The following GREB1L variants were observed in gnomAD, a reference collection of about 807,000 sequenced individuals.
GREB1L encodes GREB1-like protein.
In GREB1L, 17 loss-of-function variants were observed where a neutral mutation model predicts 200.8. That is an observed-to-expected ratio of 0.08 (90% confidence interval 0.06 to 0.13). The LOEUF (loss-of-function observed/expected upper bound fraction) is 0.13, where lower values mean the gene tolerates loss of function less well. Ranked by LOEUF, GREB1L falls within the 10% of genes least tolerant of loss-of-function variation. The probability of loss-of-function intolerance (pLI) is 1.00; values close to 1 mark genes in which losing one functional copy is unlikely to be tolerated. For missense variants in GREB1L, 1,657 were observed against 2,367.7 expected (o/e 0.70, Z 6.23); for synonymous variants, 789 against 893.0 (o/e 0.88, Z 2.08).
At chr18:21,309,012 TAG>T (rs1296102817) in intron 1 of GREB1L, among the ~76,000 whole-genome samples, 2 of 152,228 alleles carry the variant, frequency 1.3e-5, no homozygotes, top group Non-Finnish European at 2.9e-5. Context: ...GGGAATCTTG[TAG>T]AGTATCAAGG....
At chr18:21,252,966 T>C (rs1046656635) in intron 1 of GREB1L, among the ~76,000 whole-genome samples, 14 of 152,226 alleles carry the variant, frequency 9.2e-5, no homozygotes, top group African/African-American at 3.4e-4. Context: ...TTTATTTCAG[T>C]CTTAGCTCAT....
In GREB1L at chr18:21,403,143, C is replaced by T. The variant is rs145883830; in HGVS notation, c.710-729C>T. ...ATCATTTATATTCCTTTTTCACATG[C>T]TACTTTTTGAGACGAATAGGGTAAA... On this transcript the variant is annotated intron_variant, in intron 6 of 32. Transcript: ENST00000424526. Among the ~76,000 whole-genome samples the T allele has an allele frequency of 4.3e-3, 659 of 152,126 alleles. 2 individuals carry two copies. Among genetic ancestry groups the T allele is most frequent in the Non-Finnish European group, 6.8e-3 (459 of 67,988 alleles).
rs944870850 is a variant in GREB1L at position 21,520,708 on chromosome 18, C to T, written c.5493C>T (p.Ser1831=). 13 of 1,551,538 alleles carry T rather than the reference C, an allele frequency of 8.4e-6. No homozygotes were observed. The Admixed American group carries it at 2.2e-4, about 26-fold the overall frequency. ...IGPEVAICYI[S]SRPHSSNVNC... ...TTCAGGTGGCCATATGCTATATCAGCTCCAGACCCCACTCCAGCAATGTCA... is the reference window on the plus strand; with the variant it reads ...TTCAGGTGGCCATATGCTATATCAGTTCCAGACCCCACTCCAGCAATGTCA... Residue 1831 remains serine (S), a synonymous_variant, in exon 32 of 33, where the codon AGC becomes AGT. Coordinates refer to ENST00000424526, the MANE Select transcript of GREB1L (RefSeq NM_001142966.3).
intron 1 of GREB1L, among the ~76,000 whole-genome samples, chr18:21,263,761 G>A (rs539661392): frequency 1.3e-5 from 2 of 152,264 alleles, no homozygotes; most frequent in South Asian, 4.1e-4. Flanking sequence ...TAGAGAAGTA[G>A]GGATCTCTGT....
At chr18:21,458,495 G>A (rs2034882712) in intron 15 of GREB1L, among the ~76,000 whole-genome samples, 4 of 152,186 alleles carry the variant, frequency 2.6e-5, no homozygotes, top group Admixed American at 2.0e-4. Context: ...CCCAGGCAGG[G>A]AAGAGCTGCC....
intron 5 of GREB1L, among the ~76,000 whole-genome samples, chr18:21,399,697 A>T (rs2041238640): frequency 6.6e-6 from 1 of 152,222 alleles, no homozygotes. Context: ...AAGTGGCGGT[A>T]ATAAGTTGTT....
At chr18:21,448,614 G>A (rs1191479949) in intron 11 of GREB1L, among the ~76,000 whole-genome samples, 2 of 152,192 alleles carry the variant, frequency 1.3e-5, no homozygotes, top group African/African-American at 2.4e-5. Flanking sequence ...AGGTGTCTGA[G>A]CTGGTTTATG....
At chr18:21,430,745 C>T (rs553611980) in intron 7 of GREB1L, among the ~76,000 whole-genome samples, 26 of 151,144 alleles carry the variant, frequency 1.7e-4, no homozygotes, top group Admixed American at 2.6e-4. Context: ...TACAGGCATG[C>T]GCCACCACAC....
chr18:21,383,582 A>G lies in GREB1L; in HGVS notation c.64A>G (p.Ile22Val). 1 of 1,550,984 alleles carries G rather than the reference A, an allele frequency of 6.4e-7. No homozygotes were observed. Among genetic ancestry groups the G allele is most frequent in the Non-Finnish European group, 8.7e-7 (1 of 1,146,724 alleles). ...ARFEEALHNSIEASLRCSSVV... is the reference protein window; with the variant it reads ...ARFEEALHNSVEASLRCSSVV... ...ATTTGAGGAAGCTCTCCACAACTCC[A>G]TAGAAGCCTCCCTCAGATGTAGTAG... Residue 22 changes from isoleucine to valine, a missense_variant, in exon 3 of 33, where the codon ATA becomes GTA. Around this residue, in one of 9 missense-constraint regions of GREB1L, gnomAD observed 121 missense variants for 126.6 expected, o/e 0.96. Transcript: ENST00000424526.
chr18:21,501,080 AAAAG>A lies in GREB1L; in HGVS notation c.4072+454_4072+457del, dbSNP rs1210614610. On this transcript the variant is annotated intron_variant, in intron 23 of 32. Coordinates refer to ENST00000424526, the MANE Select transcript of GREB1L (RefSeq NM_001142966.3). ...AGACTTTGTCTCAAAAAAAAAAAAA[AAAAG>A]AAAGAAAGAAAGAAATGAAAAAAAA... Among the ~76,000 whole-genome samples, 49 of 150,896 alleles carry A rather than the reference AAAAG, an allele frequency of 3.2e-4. No homozygotes were observed. In the South Asian group the frequency reaches 3.8e-3, roughly 12 times the overall value.
chr18:21,469,548 G>T (rs2035400135), intron 15 of GREB1L, among the ~76,000 whole-genome samples: 1 of 152,094 alleles, frequency 6.6e-6, no homozygotes, highest in African/African-American at 2.4e-5. Flanking sequence ...TCCTTGTATT[G>T]AAGAATGGTA....
chr18:21,420,977 TA>T (rs2144867600), intron 7 of GREB1L, among the ~76,000 whole-genome samples: 1 of 152,086 alleles, frequency 6.6e-6, no homozygotes, highest in Non-Finnish European at 1.5e-5. Context: ...AATCTCAAAA[TA>T]AATCTAGTGA....
intron 1 of GREB1L, among the ~76,000 whole-genome samples, chr18:21,336,159 T>G (rs2039182127): frequency 6.6e-6 from 1 of 152,218 alleles, no homozygotes; most frequent in East Asian, 1.9e-4. Flanking sequence ...CACTGGAAAC[T>G]GTAATAGCCA....
chr18:21,244,394 AATACG>A (rs1268788804), intron 1 of GREB1L, among the ~76,000 whole-genome samples: 42 of 152,296 alleles, frequency 2.8e-4, no homozygotes, highest in Non-Finnish European at 5.3e-4. Flanking sequence ...GTAAAGGATA[AATACG>A]AAGGCCGAGT....
chr18:21,393,721 G>A (rs375672255), intron 4 of GREB1L, among the ~76,000 whole-genome samples: 41 of 152,066 alleles, frequency 2.7e-4, no homozygotes, highest in African/African-American at 8.9e-4. Context: ...GGGTCACCGC[G>A]CCCGGCCTTT....
chr18:21,322,652 A>G (rs1220598142), intron 1 of GREB1L, among the ~76,000 whole-genome samples: 1 of 152,194 alleles, frequency 6.6e-6, no homozygotes, highest in East Asian at 1.9e-4. Flanking sequence ...AGTAATCCCT[A>G]TCAGATGTTA....
intron 1 of GREB1L, among the ~76,000 whole-genome samples, chr18:21,322,549 G>C: frequency 6.6e-6 from 1 of 152,208 alleles, no homozygotes; most frequent in East Asian, 1.9e-4. Context: ...TAAAAATAAA[G>C]TGAACCAGAA....
rs879009008 is a variant in GREB1L at position 21,444,345 on chromosome 18, C to T, written c.1329C>T (p.Thr443=). The T allele has an allele frequency of 5.8e-6, 9 of 1,552,002 alleles. No individual in the cohort carries two copies. Among genetic ancestry groups the T allele is most frequent in the African/African-American group, 4.1e-5 (3 of 73,024 alleles). ...ENKDLEKLGL[T]GSQFLSVENM... Reference sequence around the variant, plus strand: ...AAGATTTGGAAAAATTAGGGTTGACCGGCAGCCAATTTCTGAGCGTGGAAA... The same window carrying T: ...AAGATTTGGAAAAATTAGGGTTGACTGGCAGCCAATTTCTGAGCGTGGAAA... The change falls in exon 11 of 33, where the codon ACC becomes ACT. Residue 443 remains threonine, a synonymous_variant. Coordinates refer to ENST00000424526, the MANE Select transcript of GREB1L (RefSeq NM_001142966.3).
At chr18:21,268,522 TACACAC>T (rs773384876) in intron 1 of GREB1L, among the ~76,000 whole-genome samples, 102 of 65,110 alleles carry the variant, frequency 1.6e-3, no homozygotes, top group South Asian at 3.3e-3. Context: ...TATATATATA[TACACAC>T]ACACACACAC....
Sources: allele counts gnomAD v4.1 joint callset (sites outside exome capture counted in the v4.1 genomes callset), GRCh38; gene constraint gnomAD v4.1.1; regional missense constraint gnomAD v4.1.1; transcripts MANE v1.5; gene names NCBI Gene and HGNC (gene_info 2026-07-23, HGNC 2026-07-21).